Variants in SH3PXD2A observed in about 807,000 individuals in gnomAD.
SH3PXD2A encodes SH3 and PX domains 2A.
Under a neutral mutation model 115.2 loss-of-function variants are expected in SH3PXD2A, and 32 were observed. That is an observed-to-expected ratio of 0.28 (90% CI 0.21 to 0.37). SH3PXD2A has a LOEUF of 0.37. Ranked by LOEUF, SH3PXD2A falls within the 10% of genes least tolerant of loss-of-function variation. SH3PXD2A has a pLI of 1.00. For missense variants in SH3PXD2A, 1,328 were observed against 1,498.7 expected (o/e 0.89, Z 1.88); for synonymous variants, 610 against 629.1 (o/e 0.97, Z 0.45).
In SH3PXD2A at chr10:103,597,920, C is replaced by T. The variant is rs1198945142; in HGVS notation, c.*3896G>A. The T allele has an allele frequency of 5.3e-5, 8 of 152,378 alleles. No homozygotes were observed. The highest frequency in any genetic ancestry group is 9.7e-5 in the African/African-American group (4 of 41,404). 9.4% of individuals were successfully genotyped at this position (152,378 alleles called of 1,614,324 possible). A position where few individuals can be genotyped will look rare whatever the true frequency, so the allele number is the denominator to read the frequency against. Reference sequence around the variant, plus strand: ...TTCCCCTTATTAAAAACAAGAACTACCAAACCAAGGTCTAAACTTAAATAG... The same window carrying T: ...TTCCCCTTATTAAAAACAAGAACTATCAAACCAAGGTCTAAACTTAAATAG... On this transcript the variant is annotated 3_prime_UTR_variant, in exon 15 of 15. Coordinates refer to ENST00000369774, the MANE Select transcript of SH3PXD2A (RefSeq NM_001394015.1).
intron 1 of SH3PXD2A, among the ~76,000 whole-genome samples, chr10:103,818,852 C>T (rs2039349344): frequency 6.6e-6 from 1 of 152,152 alleles, no homozygotes; most frequent in Admixed American, 6.5e-5. Context: ...ACTCACAGTT[C>T]TCCCCTTCTC....
At position 103,602,953 on chromosome 10, in the gene SH3PXD2A, C is replaced by G. The variant is rs183939045; in HGVS notation, c.2265G>C (p.Ser755=). ...GGTTTAGGAATGGCTTGGGCCGGAC[C>G]GATGGCTTGGCCCGGGGACAGGAGG... ...GLTSCPRAKP[S]VRPKPFLNRA... is the part of the protein sequence containing the mutation. The change falls in exon 15 of 15, where the codon TCG becomes TCC. Residue 755 remains serine (S), a synonymous_variant. Coordinates refer to ENST00000369774, the MANE Select transcript of SH3PXD2A (RefSeq NM_001394015.1). 6.2e-6 allele frequency: 10 copies of G among 1,614,194 alleles called. No homozygotes were observed. In the East Asian group the frequency reaches 2.2e-4, roughly 36 times the overall value.
intron 8 of SH3PXD2A, among the ~76,000 whole-genome samples, chr10:103,658,227 G>C (rs2037239679): frequency 6.6e-6 from 1 of 152,234 alleles, no homozygotes; most frequent in South Asian, 2.1e-4. Flanking sequence ...TCCCCCTGTG[G>C]ACACTCTACT....
chr10:103,817,911 G>C (rs1237836833), intron 1 of SH3PXD2A, among the ~76,000 whole-genome samples: 2 of 152,192 alleles, frequency 1.3e-5, no homozygotes, highest in Non-Finnish European at 2.9e-5. Flanking sequence ...CGAGAGCTGT[G>C]GGGTGGGTGG....
chr10:103,729,591 G>A (rs2038289735), intron 4 of SH3PXD2A, among the ~76,000 whole-genome samples: 1 of 152,242 alleles, frequency 6.6e-6, no homozygotes, highest in Admixed American at 6.5e-5. Context: ...TGCCCTGCGG[G>A]GCTGCTGGAA....
At chr10:103,649,433 G>A (rs2037086399) in intron 8 of SH3PXD2A, among the ~76,000 whole-genome samples, 1 of 152,242 alleles carries the variant, frequency 6.6e-6, no homozygotes, top group South Asian at 2.1e-4. Flanking sequence ...GCACGCCACT[G>A]CTCTGCCCAT....
rs1353495891 is a variant in SH3PXD2A at position 103,746,118 on chromosome 10, G to T, written c.230-10310C>A. The T allele has an allele frequency of 2.6e-5, 4 of 152,222 alleles. No individual in the cohort carries two copies. Among genetic ancestry groups the T allele is most frequent in the Admixed American group, 2.6e-4 (4 of 15,282 alleles). The allele number at this position is 152,222 out of a possible 1,614,324, so 9.4% of individuals were successfully genotyped here. A position where few individuals can be genotyped will look rare whatever the true frequency, so the allele number is the denominator to read the frequency against. ...GAGGTTCCCATACCCAGTAAGCAGA[G>T]CCAGGCTGAAGGGAACAGTATCTTT... is the stretch of plus-strand genomic sequence containing the variant. On this transcript the variant is annotated intron_variant, in intron 3 of 14. Coordinates refer to ENST00000369774, the MANE Select transcript of SH3PXD2A (RefSeq NM_001394015.1). The surrounding 1 kb of genome is among the most constrained non-coding windows in gnomAD (Gnocchi z 4.4).
chr10:103,627,108 G>A lies in SH3PXD2A; in HGVS notation c.699C>T (p.Asn233=), dbSNP rs2036710011. ...CCTCACCTTCTCCAGTCTTAGAGGT[G>A]TTGATGTCGGAGTCATCCCGAGTAC... ...QNGTRDDSDI[N]TSKTGEVSKR... Residue 233 remains asparagine, a synonymous_variant, in exon 9 of 15, where the codon AAC becomes AAT. Coordinates refer to ENST00000369774, the MANE Select transcript of SH3PXD2A (RefSeq NM_001394015.1). This position sits in a 1 kb window ranked among gnomAD's most constrained non-coding sequence, Gnocchi z 4.4. 1 of 1,607,470 alleles carries A rather than the reference G, an allele frequency of 6.2e-7. No homozygotes were observed.
At chr10:103,639,525 G>A (rs893150913) in intron 8 of SH3PXD2A, among the ~76,000 whole-genome samples, 28 of 150,480 alleles carry the variant, frequency 1.9e-4, no homozygotes, top group African/African-American at 4.6e-4. Flanking sequence ...CAGGAGAATC[G>A]CTTGAACCTG....
chr10:103,643,653 G>A (rs1366805235), intron 8 of SH3PXD2A, among the ~76,000 whole-genome samples: 2 of 152,168 alleles, frequency 1.3e-5, no homozygotes, highest in East Asian at 3.9e-4. Context: ...GCCCCAAATG[G>A]AGATTCTCCC....
chr10:103,805,454 T>A (rs2039192543), intron 1 of SH3PXD2A, among the ~76,000 whole-genome samples: 1 of 152,228 alleles, frequency 6.6e-6, no homozygotes, highest in Non-Finnish European at 1.5e-5. Context: ...AACATGGTTA[T>A]CACTGGAGTG....
At chr10:103,793,043 G>A (rs930491276) in intron 2 of SH3PXD2A, among the ~76,000 whole-genome samples, 13 of 152,182 alleles carry the variant, frequency 8.5e-5, no homozygotes, top group Non-Finnish European at 1.8e-4. Flanking sequence ...GACCAGGAAA[G>A]ACATATTTTA....
At chr10:103,833,254 C>T (rs192465311) in intron 1 of SH3PXD2A, among the ~76,000 whole-genome samples, 6 of 152,268 alleles carry the variant, frequency 3.9e-5, no homozygotes, top group Non-Finnish European at 8.8e-5. Flanking sequence ...AATACAATGT[C>T]CATGAAGTGA....
chr10:103,722,170 A>G (rs2038190247), intron 5 of SH3PXD2A, among the ~76,000 whole-genome samples: 1 of 151,860 alleles, frequency 6.6e-6, no homozygotes, highest in African/African-American at 2.4e-5. Context: ...CAGGTATGGT[A>G]GCATGTGCCT....
At chr10:103,768,584 A>T (rs910659589) in intron 2 of SH3PXD2A, among the ~76,000 whole-genome samples, 1 of 152,150 alleles carries the variant, frequency 6.6e-6, no homozygotes, top group Non-Finnish European at 1.5e-5. Context: ...GAAGTCCTGG[A>T]GAGTTCTGTG....
intron 5 of SH3PXD2A, among the ~76,000 whole-genome samples, chr10:103,711,481 G>A (rs938717488): frequency 5.9e-5 from 9 of 152,230 alleles, no homozygotes; most frequent in African/African-American, 2.2e-4. Context: ...CGTGCCCACT[G>A]AGATGAACAC....
At chr10:103,660,946 G>A (rs377162186) in intron 8 of SH3PXD2A, 37 bp downstream of exon 8, 4 of 1,610,588 alleles carry the variant, frequency 2.5e-6, no homozygotes, top group Non-Finnish European at 3.4e-6. Flanking sequence ...GGGCCAGACC[G>A]GAACCCCAGT....
intron 6 of SH3PXD2A, among the ~76,000 whole-genome samples, chr10:103,685,496 C>A (rs1442134977): frequency 1.3e-5 from 2 of 152,116 alleles, no homozygotes; most frequent in African/African-American, 4.8e-5. Context: ...GACACCCCAC[C>A]TTCCCCCTGT....
At chr10:103,802,811 C>T (rs568888798) in intron 1 of SH3PXD2A, among the ~76,000 whole-genome samples, 16 of 152,144 alleles carry the variant, frequency 1.1e-4, no homozygotes, top group African/African-American at 3.1e-4. Flanking sequence ...CACCTGGGGC[C>T]GGGGGCAGGC....
Sources: allele counts gnomAD v4.1 joint callset (sites outside exome capture counted in the v4.1 genomes callset), GRCh38; gene constraint gnomAD v4.1.1; non-coding constraint Gnocchi (gnomAD v3.1); transcripts MANE v1.5; gene names NCBI Gene and HGNC (gene_info 2026-07-23, HGNC 2026-07-21).